DPP10: variants seen among roughly 807,000 people sequenced by gnomAD.
The protein encoded by DPP10 is dipeptidyl peptidase like 10.
In DPP10, 33 loss-of-function variants were observed where a neutral mutation model predicts 120.9. The ratio of observed to expected loss-of-function variants is 0.27; its 90% CI spans 0.21 to 0.37. DPP10 has a LOEUF of 0.37. Ranked by LOEUF, DPP10 falls within the 10% of genes least tolerant of loss-of-function variation. DPP10 has a pLI of 1.00. For synonymous variants in DPP10, 337 were observed against 326.1 expected (o/e 1.03, Z -0.36); for missense variants, 816 against 942.8 (o/e 0.87, Z 1.76).
intron 1 of DPP10, among the ~76,000 whole-genome samples, chr2:114,445,515 A>G (rs1482758376): frequency 6.7e-6 from 1 of 148,562 alleles, no homozygotes; most frequent in East Asian, 2.0e-4. Flanking sequence ...AAAAGTGTGC[A>G]GGAGGAGGAA....
chr2:115,614,781 A>T (rs1024250433), intron 5 of DPP10, among the ~76,000 whole-genome samples: 1 of 152,186 alleles, frequency 6.6e-6, no homozygotes, highest in African/African-American at 2.4e-5. Flanking sequence ...ACGTCTCCAG[A>T]ATTATCATAG....
chr2:114,539,824 T>C (rs774446992), intron 1 of DPP10, among the ~76,000 whole-genome samples: 1 of 152,184 alleles, frequency 6.6e-6, no homozygotes, highest in African/African-American at 2.4e-5. Flanking sequence ...TACAGCACTA[T>C]ATGTAGTCTT....
At chr2:115,644,697 C>G (rs1020334247) in intron 5 of DPP10, among the ~76,000 whole-genome samples, 16 of 151,890 alleles carry the variant, frequency 1.1e-4, no homozygotes, top group African/African-American at 3.9e-4. Context: ...GCAGGAGGAT[C>G]CCTTGAGCCC....
chr2:114,539,418 G>C (rs1011753960), intron 1 of DPP10, among the ~76,000 whole-genome samples: 4 of 151,978 alleles, frequency 2.6e-5, no homozygotes, highest in African/African-American at 9.7e-5. Flanking sequence ...TAAAAGACAA[G>C]CCACTGTGCC....
intron 1 of DPP10, among the ~76,000 whole-genome samples, chr2:115,020,553 C>A (rs1008487768): frequency 6.6e-6 from 1 of 151,990 alleles, no homozygotes; most frequent in South Asian, 2.1e-4. Context: ...TATGGCAACA[C>A]AATAATAGTG....
intron 1 of DPP10, among the ~76,000 whole-genome samples, chr2:115,282,911 T>C (rs1399911362): frequency 6.6e-6 from 1 of 152,112 alleles, no homozygotes; most frequent in Admixed American, 6.6e-5. Context: ...TAAGCACTGT[T>C]TTTGTCCCTT....
chr2:115,744,359 C>T (rs534422008), intron 9 of DPP10, among the ~76,000 whole-genome samples: 5 of 150,262 alleles, frequency 3.3e-5, no homozygotes, highest in African/African-American at 9.7e-5. Context: ...GAGGGAGAAA[C>T]ATGACAACTA....
chr2:115,127,977 G>C (rs1004491905), intron 1 of DPP10, among the ~76,000 whole-genome samples: 1 of 152,092 alleles, frequency 6.6e-6, no homozygotes, highest in Non-Finnish European at 1.5e-5. Flanking sequence ...CCATGTGCTT[G>C]TGTTAGATTT....
intron 1 of DPP10, among the ~76,000 whole-genome samples, chr2:115,135,701 T>C (rs2050616331): frequency 1.3e-5 from 2 of 152,208 alleles, no homozygotes; most frequent in Non-Finnish European, 2.9e-5. Flanking sequence ...TGAATATAAA[T>C]GGTGATATCA....
chr2:114,895,544 G>A (rs1344291283), intron 1 of DPP10, among the ~76,000 whole-genome samples: 2 of 152,168 alleles, frequency 1.3e-5, no homozygotes, highest in Admixed American at 1.3e-4. Context: ...AGATGCCAAA[G>A]GAGATTTCAC....
chr2:115,176,339 ATAT>A (rs1159619985), intron 1 of DPP10, among the ~76,000 whole-genome samples: 1 of 147,826 alleles, frequency 6.8e-6, no homozygotes, highest in Non-Finnish European at 1.5e-5. Flanking sequence ...TATATTTATA[ATAT>A]TTATATATTT....
chr2:114,457,082 G>A (rs1437117832), intron 1 of DPP10, among the ~76,000 whole-genome samples: 1 of 152,216 alleles, frequency 6.6e-6, no homozygotes, highest in Non-Finnish European at 1.5e-5. Context: ...GTAAGATCAA[G>A]GAGGATAGAC....
chr2:115,462,467 A>G (rs1237222240), intron 3 of DPP10, among the ~76,000 whole-genome samples: 1 of 152,130 alleles, frequency 6.6e-6, no homozygotes, highest in African/African-American at 2.4e-5. Flanking sequence ...CTAAAAGGTT[A>G]GAATCCAAAT....
At chr2:114,544,404 G>C (rs1401647120) in intron 1 of DPP10, among the ~76,000 whole-genome samples, 1 of 152,142 alleles carries the variant, frequency 6.6e-6, no homozygotes, top group Non-Finnish European at 1.5e-5. Context: ...TATGTTTCTT[G>C]CCTTCAAAGA....
intron 1 of DPP10, among the ~76,000 whole-genome samples, chr2:114,656,142 T>C (rs1300812598): frequency 6.6e-6 from 1 of 152,210 alleles, no homozygotes; most frequent in Non-Finnish European, 1.5e-5. Flanking sequence ...GCAATTATTC[T>C]TGGTGTTTGA....
chr2:115,016,281 TTTGGAAAAC>T (rs1193519190), intron 1 of DPP10, among the ~76,000 whole-genome samples: 1 of 152,004 alleles, frequency 6.6e-6, no homozygotes. Context: ...ATAAATGGTT[TTTGGAAAAC>T]TGGCTAGCCA....
chr2:114,694,450 A>G (rs1273317585), intron 1 of DPP10, among the ~76,000 whole-genome samples: 1 of 151,976 alleles, frequency 6.6e-6, no homozygotes, highest in African/African-American at 2.4e-5. Context: ...AATCAACACT[A>G]TGAACTCAGA....
intron 1 of DPP10, among the ~76,000 whole-genome samples, chr2:114,982,494 A>G (rs1700144055): frequency 6.6e-6 from 1 of 152,240 alleles, no homozygotes; most frequent in African/African-American, 2.4e-5. Flanking sequence ...TGAAACAATG[A>G]CTAATTGTAG....
At chr2:115,669,121 T>A (rs769604571) in intron 5 of DPP10, among the ~76,000 whole-genome samples, 42 of 152,160 alleles carry the variant, frequency 2.8e-4, no homozygotes, top group Admixed American at 1.0e-3. Flanking sequence ...TGTGTTATTG[T>A]TACTGTTATT....
Sources: gnomAD v4.1 joint callset for allele counts (sites outside exome capture counted in the v4.1 genomes callset) on GRCh38, gnomAD v4.1.1 for gene constraint, MANE v1.5 for transcripts, NCBI Gene and HGNC (gene_info 2026-07-23, HGNC 2026-07-21) for gene names.